The following PDE6A variants were observed in gnomAD, a reference collection of about 807,000 sequenced individuals.
PDE6A encodes rod cGMP-specific 3',5'-cyclic phosphodiesterase subunit alpha.
PDE6A carries 84 observed loss-of-function variants against 106.3 expected under a neutral mutation model. The observed-to-expected ratio is 0.79, with a 90% confidence interval of 0.66 to 0.95. The LOEUF is 0.95. Ranked by LOEUF, PDE6A falls within the 40% of genes least tolerant of loss-of-function variation. The probability of loss-of-function intolerance (pLI) is 0.00; values close to 1 mark genes in which losing one functional copy is unlikely to be tolerated. For synonymous variants in PDE6A, 394 were observed against 386.6 expected, an observed-to-expected ratio of 1.02 and a Z score of -0.23; for missense variants, 1,052 against 1,084.9, an observed-to-expected ratio of 0.97 and a Z score of 0.43.
chr5:149,923,530 TAACATAACATAACATAAC>T (rs1753786107), intron 4 of PDE6A, among the ~76,000 whole-genome samples: 2 of 121,610 alleles, frequency 1.6e-5, no homozygotes, highest in South Asian at 5.3e-4. Context: ...TAACATAACA[TAACATAACATAACATAAC>T]ATAACATAAC....
intron 5 of PDE6A, 38 bp downstream of exon 5, chr5:149,921,597 T>G: frequency 6.6e-7 from 1 of 1,508,250 alleles, no homozygotes; most frequent in Non-Finnish European, 9.2e-7. Flanking sequence ...TGCATTTGAA[T>G]ATATTAAATC....
At chr5:149,921,732 T>G in intron 4 of PDE6A, 23 bp from the exon 5 acceptor site, 1 of 1,584,164 alleles carries the variant, frequency 6.3e-7, no homozygotes. Context: ...AAAACAATAA[T>G]TACATGTTTT....
chr5:149,863,238 GTGA>G lies in PDE6A; in HGVS notation c.2384_2386del (p.Ile795del), dbSNP rs761623719. 2 of 1,614,192 alleles carry G rather than the reference GTGA, an allele frequency of 1.2e-6. No individual in the cohort carries two copies. Among genetic ancestry groups the G allele is most frequent in the Non-Finnish European group, 1.7e-6 (2 of 1,180,030 alleles). ...GTTGGTGATCCCGTCCAACATTGGGGTGATCTCCTCGTGGAAACGGGAGAATTC... is the reference window on the plus strand; with the variant it reads ...GTTGGTGATCCCGTCCAACATTGGGGTCTCCTCGTGGAAACGGGAGAATTC... On this transcript the variant is annotated inframe_deletion, in exon 21 of 22. Transcript: ENST00000255266. This position sits in a 1 kb window ranked among gnomAD's most constrained non-coding sequence, Gnocchi z 4.7.
intron 5 of PDE6A, among the ~76,000 whole-genome samples, chr5:149,915,634 T>G (rs1753527892): frequency 6.6e-6 from 1 of 152,072 alleles, no homozygotes; most frequent in Non-Finnish European, 1.5e-5. Flanking sequence ...GGAAGAGGGA[T>G]AGGAAATCCT....
chr5:149,869,205 C>T (rs1413333340), intron 17 of PDE6A, among the ~76,000 whole-genome samples: 1 of 152,124 alleles, frequency 6.6e-6, no homozygotes, highest in Non-Finnish European at 1.5e-5. Context: ...TGGCATGCAC[C>T]TGTGATCCCA....
rs776102939 is a variant in PDE6A at position 149,914,968 on chromosome 5, C to T, written c.973G>A (p.Gly325Ser). The change falls in exon 6 of 22, where the codon GGC becomes AGC. Residue 325 changes from glycine (G) to serine (S), a missense_variant. Coordinates refer to ENST00000255266, the MANE Select transcript of PDE6A (RefSeq NM_000440.3). The part of the protein sequence containing the change: ...FYKVIDYILH[G>S]KEDIKVIPNP... ...GGGATGACTTTGATGTCCTCTTTGC[C>T]ATGCAGGATGTAGTCAATGACCTTG... The T allele has an allele frequency of 1.9e-6, 3 of 1,610,290 alleles. No homozygotes were observed. Among genetic ancestry groups the T allele is most frequent in the East Asian group, 2.2e-5 (1 of 44,846 alleles).
At chr5:149,884,976 T>G in intron 14 of PDE6A, 109 bp from the exon 15 acceptor site, 1 of 897,496 alleles carries the variant, frequency 1.1e-6, no homozygotes, top group Non-Finnish European at 1.8e-6. Context: ...GATTCCGAGT[T>G]ACTTTTGGGT....
At chr5:149,935,477 T>G (rs1754155189) in intron 1 of PDE6A, among the ~76,000 whole-genome samples, 1 of 152,182 alleles carries the variant, frequency 6.6e-6, no homozygotes, top group African/African-American at 2.4e-5. Flanking sequence ...CCACTATGTG[T>G]CAGGCCTTAT....
intron 3 of PDE6A, chr5:149,931,976 T>C: frequency 2.3e-6 from 3 of 1,298,586 alleles, no homozygotes; most frequent in Admixed American, 3.4e-5. Context: ...TTTCCAGCTG[T>C]TGAGATAATA....
intron 16 of PDE6A, 23 bp downstream of exon 16, chr5:149,884,455 AT>A: frequency 3.4e-6 from 5 of 1,454,030 alleles, no homozygotes; most frequent in Non-Finnish European, 4.8e-6. Flanking sequence ...TGCTTTTACT[AT>A]TAGAATGAGA....
chr5:149,927,260 C>T (rs147509280), intron 4 of PDE6A, among the ~76,000 whole-genome samples: 4 of 152,016 alleles, frequency 2.6e-5, no homozygotes, highest in East Asian at 1.9e-4. Context: ...ATGGAGCCTG[C>T]GGGACTGAGA....
In PDE6A at chr5:149,898,437, T is replaced by A. The variant is rs1352690131; in HGVS notation, c.1333A>T (p.Asn445Tyr). 6.2e-7 allele frequency: 1 copy of A among 1,613,454 alleles called. No individual in the cohort carries two copies. Among genetic ancestry groups the A allele is most frequent in the South Asian group, 1.1e-5 (1 of 91,076 alleles). Reference protein sequence around the residue: ...DTYESMNKLENRKDIFQDIVK... With the variant: ...DTYESMNKLEYRKDIFQDIVK... Reference sequence around the variant, plus strand: ...ATGTCCTGGAAAATATCCTTCCTATTTTCAAGTTTATTCATTGACTCATAG... The same window carrying A: ...ATGTCCTGGAAAATATCCTTCCTATATTCAAGTTTATTCATTGACTCATAG... Residue 445 changes from asparagine to tyrosine, a missense_variant, in exon 10 of 22, where the codon AAT becomes TAT. This residue lies in a region of PDE6A where 913 missense variants were observed against 915.2 expected (regional missense o/e 1.00). Transcript: ENST00000255266.
intron 6 of PDE6A, among the ~76,000 whole-genome samples, chr5:149,910,145 C>T (rs1016468058): frequency 1.3e-5 from 2 of 152,102 alleles, no homozygotes; most frequent in Non-Finnish European, 2.9e-5. Context: ...AGATTGACCC[C>T]TTTATCATTA....
In PDE6A at chr5:149,944,765, T is replaced by G. The variant is rs1754421145; in HGVS notation, c.-92A>C. 1.0e-6 allele frequency: 1 copy of G among 988,752 alleles called. No individual in the cohort carries two copies. The highest frequency in any genetic ancestry group is 1.5e-6 in the Non-Finnish European group (1 of 645,778). 61.2% of individuals were successfully genotyped at this position (988,752 alleles called of 1,614,324 possible). The stretch of plus-strand genomic sequence containing the variant: ...AGTCTGCAACAAGTCCAGTCTGGAC[T>G]TCTCTGGGTCTTGTCTGCAAAACAT... On this transcript the variant is annotated 5_prime_UTR_variant, in exon 1 of 22. Transcript: ENST00000255266.
chr5:149,898,272 C>T (rs1483047371), intron 10 of PDE6A, 91 bp downstream of exon 10: 5 of 1,148,428 alleles, frequency 4.4e-6, no homozygotes, highest in African/African-American at 1.5e-5. Flanking sequence ...CAGGCTGTGC[C>T]CTCATGGAGT....
At chr5:149,887,664 C>G (rs1276585311) in intron 13 of PDE6A, among the ~76,000 whole-genome samples, 1 of 152,088 alleles carries the variant, frequency 6.6e-6, no homozygotes, top group African/African-American at 2.4e-5. Flanking sequence ...CCTTCCTAAC[C>G]ACCTGACCAC....
chr5:149,903,637 A>T lies in PDE6A; in HGVS notation c.1113+11T>A. ...TCATATGACTAAGACTGCAAATAAAAAATGACTTACCTGAAATGCAAAAAA... is the reference window on the plus strand; with the variant it reads ...TCATATGACTAAGACTGCAAATAAATAATGACTTACCTGAAATGCAAAAAA... On this transcript the variant is annotated intron_variant, in intron 8 of 21. Coordinates refer to ENST00000255266, the MANE Select transcript of PDE6A (RefSeq NM_000440.3). 1.2e-6 allele frequency: 2 copies of T among 1,610,278 alleles called. No homozygotes were observed.
rs1283693809 is a variant in PDE6A at position 149,944,706 on chromosome 5, G to A, written c.-33C>T. The A allele has an allele frequency of 6.4e-7, 1 of 1,552,828 alleles. No individual in the cohort carries two copies. Among genetic ancestry groups the A allele is most frequent in the African/African-American group, 1.4e-5 (1 of 73,940 alleles). ...AATCCCACTGGCTACTCTGTAGAAG[G>A]ACTGGGACGGAGGCCTTCCAATGGC... On this transcript the variant is annotated 5_prime_UTR_variant, in exon 1 of 22. Coordinates refer to ENST00000255266, the MANE Select transcript of PDE6A (RefSeq NM_000440.3).
chr5:149,907,401 G>T (rs758178049), intron 6 of PDE6A, 23 bp from the exon 7 acceptor site: 23 of 1,601,340 alleles, frequency 1.4e-5, no homozygotes, highest in Non-Finnish European at 2.0e-5. Context: ...AAGACAAAAC[G>T]GTGACTCTCA....
Sources: gnomAD v4.1 joint callset for allele counts (sites outside exome capture counted in the v4.1 genomes callset) on GRCh38, gnomAD v4.1.1 for gene constraint, gnomAD v4.1.1 regional missense constraint, Gnocchi (gnomAD v3.1) non-coding constraint, MANE v1.5 for transcripts, NCBI Gene and HGNC (gene_info 2026-07-23, HGNC 2026-07-21) for gene names.